PARP8: variants seen among roughly 807,000 people sequenced by gnomAD.
PARP8 encodes the protein poly(ADP-ribose) polymerase family member 8.
A neutral mutation model predicts 124.1 loss-of-function variants in PARP8; 51 were observed. That is an observed-to-expected ratio of 0.41 (90% CI 0.33 to 0.52). The LOEUF (loss-of-function observed/expected upper bound fraction) is 0.52, where lower values mean the gene tolerates loss of function less well. PARP8 is among the 20% of genes least tolerant of loss of function. The probability of loss-of-function intolerance (pLI) is 0.21; values close to 1 mark genes in which losing one functional copy is unlikely to be tolerated. For missense variants in PARP8, 860 were observed against 1,018.9 expected (o/e 0.84, Z 2.12); for synonymous variants, 391 against 361.5 (o/e 1.08, Z -0.93).
At chr5:50,705,327 G>A (rs1290290370) in intron 2 of PARP8, among the ~76,000 whole-genome samples, 1 of 152,114 alleles carries the variant, frequency 6.6e-6, no homozygotes, top group East Asian at 1.9e-4. Flanking sequence ...GGTGGGCAAA[G>A]AAATAGGGAT....
intron 2 of PARP8, among the ~76,000 whole-genome samples, chr5:50,692,686 T>TA (rs967817831): frequency 6.6e-6 from 1 of 152,056 alleles, no homozygotes; most frequent in East Asian, 1.9e-4. Flanking sequence ...CATAGGCTGG[T>TA]AAAAAAATAA....
At chr5:50,716,301 G>A (rs891652558) in intron 2 of PARP8, among the ~76,000 whole-genome samples, 2 of 152,104 alleles carry the variant, frequency 1.3e-5, no homozygotes, top group African/African-American at 4.8e-5. Context: ...AGAGAACAAA[G>A]TTCCAACAAA....
intron 2 of PARP8, among the ~76,000 whole-genome samples, chr5:50,749,492 A>G (rs952411259): frequency 5.3e-5 from 8 of 152,160 alleles, no homozygotes; most frequent in African/African-American, 1.9e-4. Flanking sequence ...CGTATGTCAT[A>G]TGAGGTAAGT....
intron 2 of PARP8, chr5:50,741,953 T>C (rs1580167840): frequency 5.0e-6 from 2 of 400,270 alleles, no homozygotes; most frequent in Non-Finnish European, 9.7e-6. Flanking sequence ...GCATTACAGG[T>C]GCACACAACC....
At chr5:50,838,894 T>G (rs1747873973) in intron 25 of PARP8, among the ~76,000 whole-genome samples, 1 of 152,060 alleles carries the variant, frequency 6.6e-6, no homozygotes, top group South Asian at 2.1e-4. Context: ...AAACATGGTC[T>G]TTTCCTTGGC....
intron 2 of PARP8, among the ~76,000 whole-genome samples, chr5:50,728,985 G>T (rs1201670817): frequency 6.6e-6 from 1 of 152,030 alleles, no homozygotes; most frequent in Non-Finnish European, 1.5e-5. Flanking sequence ...AACTGACTGA[G>T]AGTTAAACAT....
At chr5:50,724,352 T>A (rs1427441908) in intron 2 of PARP8, among the ~76,000 whole-genome samples, 1 of 152,150 alleles carries the variant, frequency 6.6e-6, no homozygotes, top group African/African-American at 2.4e-5. Flanking sequence ...AAATAAATTA[T>A]AGCTAATCAA....
chr5:50,816,622 A>G (rs1333228282), intron 15 of PARP8, among the ~76,000 whole-genome samples: 3 of 152,208 alleles, frequency 2.0e-5, no homozygotes, highest in Admixed American at 6.5e-5. Context: ...AACAAATAAT[A>G]CAAAGAGTAG....
At chr5:50,693,902 C>A (rs1752760229) in intron 2 of PARP8, among the ~76,000 whole-genome samples, 2 of 151,818 alleles carry the variant, frequency 1.3e-5, no homozygotes, top group South Asian at 4.1e-4. Flanking sequence ...TATGTCCTTT[C>A]CCTTTTTTCT....
At chr5:50,694,908 G>C (rs189269749) in intron 2 of PARP8, among the ~76,000 whole-genome samples, 15 of 152,132 alleles carry the variant, frequency 9.9e-5, no homozygotes, top group Non-Finnish European at 1.9e-4. Flanking sequence ...TGAAGAACTC[G>C]GAGTGTAATG....
At chr5:50,737,037 C>G (rs1240735859) in intron 2 of PARP8, among the ~76,000 whole-genome samples, 4 of 152,140 alleles carry the variant, frequency 2.6e-5, no homozygotes, top group Non-Finnish European at 5.9e-5. Flanking sequence ...GAAACTCTCT[C>G]CACCTGATTT....
At chr5:50,841,924 A>G in intron 25 of PARP8, 42 bp from the exon 26 acceptor site, 2 of 1,396,638 alleles carry the variant, frequency 1.4e-6, no homozygotes, top group African/African-American at 1.5e-5. Context: ...AAATGCTGCC[A>G]TCTTTTAAAA....
intron 7 of PARP8, among the ~76,000 whole-genome samples, chr5:50,764,984 G>A (rs1760916014): frequency 6.6e-6 from 1 of 151,702 alleles, no homozygotes; most frequent in African/African-American, 2.4e-5. Context: ...TTTGGTTGCT[G>A]GGCGCGGTGG....
At chr5:50,688,748 G>A (rs1579960492) in intron 2 of PARP8, among the ~76,000 whole-genome samples, 1 of 152,134 alleles carries the variant, frequency 6.6e-6, no homozygotes. Context: ...AAGTATTATA[G>A]TATTTAAATT....
chr5:50,788,736 A>C, intron 10 of PARP8, 147 bp downstream of exon 10: 2 of 665,160 alleles, frequency 3.0e-6, no homozygotes, highest in Non-Finnish European at 5.1e-6. Context: ...TGATGCTAAG[A>C]GCTGCGTTGA....
intron 2 of PARP8, among the ~76,000 whole-genome samples, chr5:50,729,824 A>T (rs567145175): frequency 3.0e-4 from 45 of 152,278 alleles, no homozygotes; most frequent in African/African-American, 1.1e-3. Context: ...AAAAATACTC[A>T]TTGGTTTTAA....
rs768591392 is a variant in PARP8, at chr5:50,797,012, G to C, written c.1459G>C (p.Asp487His). ...TGGTGCAAAATGCATTCCAGTACGA[G>C]ACCGTGGCTTCCTGGTGCAGGTATG... The part of the protein sequence containing the change: ...PNGAKCIPVR[D>H]RGFLVQTIEF... The change falls in exon 13 of 26, where the codon GAC becomes CAC. Residue 487 changes from aspartate to histidine, a missense_variant. Transcript: ENST00000281631. 63 of 1,612,570 alleles carry C rather than the reference G, an allele frequency of 3.9e-5. No homozygotes were observed. Among genetic ancestry groups the C allele is most frequent in the Non-Finnish European group, 5.0e-5 (59 of 1,179,312 alleles).
chr5:50,720,803 T>C (rs1439284700), intron 2 of PARP8, among the ~76,000 whole-genome samples: 1 of 152,004 alleles, frequency 6.6e-6, no homozygotes, highest in Non-Finnish European at 1.5e-5. Context: ...AGCTGACCTT[T>C]GCTCCTCCTC....
intron 2 of PARP8, chr5:50,741,967 C>A: frequency 2.7e-6 from 1 of 373,112 alleles, no homozygotes; most frequent in South Asian, 1.9e-5. Flanking sequence ...CACAACCACG[C>A]CTGGCTAATT....
Sources: gnomAD v4.1 joint callset for allele counts (sites outside exome capture counted in the v4.1 genomes callset) on GRCh38, gnomAD v4.1.1 for gene constraint, MANE v1.5 for transcripts, NCBI Gene and HGNC (gene_info 2026-07-23, HGNC 2026-07-21) for gene names.